The following SLC39A11 variants were observed in gnomAD, a reference collection of about 807,000 sequenced individuals.
SLC39A11 encodes zinc transporter ZIP11.
Under a neutral mutation model 36.1 loss-of-function variants are expected in SLC39A11, and 33 were observed. The ratio of observed to expected loss-of-function variants is 0.91; its 90% CI spans 0.69 to 1.22. SLC39A11 has a LOEUF of 1.22. Ranked by LOEUF, SLC39A11 falls within the 50% of genes most tolerant of loss-of-function variation. The probability of loss-of-function intolerance (pLI) is 0.00; values close to 1 mark genes in which losing one functional copy is unlikely to be tolerated. For synonymous variants in SLC39A11, 166 were observed against 170.3 expected, an observed-to-expected ratio of 0.97 and a Z score of 0.20; for missense variants, 432 against 430.3, an observed-to-expected ratio of 1.00 and a Z score of -0.03.
chr17:73,088,050 A>G (rs1230115053), intron 2 of SLC39A11, among the ~76,000 whole-genome samples: 1 of 152,180 alleles, frequency 6.6e-6, no homozygotes, highest in East Asian at 1.9e-4. Flanking sequence ...CACACCTGCA[A>G]TCCCAGCACT....
At chr17:72,694,279 A>G (rs2072181725) in intron 7 of SLC39A11, among the ~76,000 whole-genome samples, 2 of 152,330 alleles carry the variant, frequency 1.3e-5, no homozygotes, top group Non-Finnish European at 2.9e-5. Context: ...GAACATGTAA[A>G]TGAAAACCAA....
chr17:72,976,913 C>T (rs902907448), intron 4 of SLC39A11, among the ~76,000 whole-genome samples: 3 of 152,122 alleles, frequency 2.0e-5, no homozygotes, highest in African/African-American at 7.2e-5. Flanking sequence ...TATATTGTAA[C>T]CAATGTTACA....
At chr17:72,873,615 G>A (rs1026542056) in intron 5 of SLC39A11, among the ~76,000 whole-genome samples, 3 of 152,170 alleles carry the variant, frequency 2.0e-5, no homozygotes, top group African/African-American at 7.2e-5. Context: ...CTGGTGGGAG[G>A]CAAAGGAGAA....
intron 3 of SLC39A11, among the ~76,000 whole-genome samples, chr17:73,052,420 C>T (rs886245920): frequency 1.3e-5 from 2 of 151,732 alleles, no homozygotes; most frequent in Non-Finnish European, 2.9e-5. Context: ...TTTTCCACCA[C>T]GCAGAACAAA....
chr17:73,056,960 C>A (rs576596537), intron 3 of SLC39A11, among the ~76,000 whole-genome samples: 4 of 152,094 alleles, frequency 2.6e-5, no homozygotes, highest in Non-Finnish European at 5.9e-5. Context: ...CAATGGGATG[C>A]ATTTTTTTTC....
At chr17:72,659,671 C>G (rs2070322473) in intron 7 of SLC39A11, among the ~76,000 whole-genome samples, 1 of 150,000 alleles carries the variant, frequency 6.7e-6, no homozygotes, top group Non-Finnish European at 1.5e-5. Flanking sequence ...CAACCTCTGC[C>G]TCCCGGGTTC....
intron 7 of SLC39A11, among the ~76,000 whole-genome samples, chr17:72,699,106 G>A (rs1055580426): frequency 6.6e-6 from 1 of 152,188 alleles, no homozygotes; most frequent in Non-Finnish European, 1.5e-5. Context: ...TGGGATTACA[G>A]GGGTGAGCCA....
At chr17:73,032,476 G>A (rs2058769475) in intron 3 of SLC39A11, among the ~76,000 whole-genome samples, 1 of 151,994 alleles carries the variant, frequency 6.6e-6, no homozygotes, top group South Asian at 2.1e-4. Flanking sequence ...CAAAGTGCTG[G>A]GATTAAAGGT....
At chr17:72,771,960 C>T (rs947864108) in intron 6 of SLC39A11, among the ~76,000 whole-genome samples, 3 of 152,166 alleles carry the variant, frequency 2.0e-5, no homozygotes, top group Non-Finnish European at 4.4e-5. Flanking sequence ...CACCAACCCT[C>T]CTTTTCCTGC....
chr17:72,659,556 C>T (rs985491148), intron 7 of SLC39A11, among the ~76,000 whole-genome samples: 1 of 148,990 alleles, frequency 6.7e-6, no homozygotes, highest in African/African-American at 2.5e-5. Context: ...ATCTCTCTTA[C>T]ACGTGTCCTC....
intron 3 of SLC39A11, among the ~76,000 whole-genome samples, chr17:73,076,805 T>TC (rs2144639687): frequency 6.7e-6 from 1 of 149,764 alleles, no homozygotes; most frequent in East Asian, 1.9e-4. Context: ...TTTTTTTCTT[T>TC]TTTTTTTTTT....
At chr17:72,874,521 G>A (rs753386731) in intron 5 of SLC39A11, among the ~76,000 whole-genome samples, 16 of 152,184 alleles carry the variant, frequency 1.1e-4, no homozygotes, top group African/African-American at 2.9e-4. Context: ...GGAAAACCCC[G>A]CTGCTGGTAA....
intron 6 of SLC39A11, among the ~76,000 whole-genome samples, chr17:72,800,466 A>G (rs1368759134): frequency 6.6e-6 from 1 of 151,884 alleles, no homozygotes; most frequent in Non-Finnish European, 1.5e-5. Context: ...ACACACCACC[A>G]CGCCCAGCTA....
At chr17:73,008,162 T>G (rs2090295007) in intron 4 of SLC39A11, among the ~76,000 whole-genome samples, 1 of 121,292 alleles carries the variant, frequency 8.2e-6, no homozygotes, top group African/African-American at 2.7e-5. Context: ...TTGTTTTTTT[T>G]TTGTTTTTTT....
At chr17:72,864,252 G>C (rs2080189391) in intron 5 of SLC39A11, among the ~76,000 whole-genome samples, 1 of 151,818 alleles carries the variant, frequency 6.6e-6, no homozygotes, top group Non-Finnish European at 1.5e-5. Context: ...CAGATTTCCT[G>C]GCCTCATCCA....
chr17:72,799,952 G>C (rs1394461130), intron 6 of SLC39A11, among the ~76,000 whole-genome samples: 1 of 151,998 alleles, frequency 6.6e-6, no homozygotes, highest in South Asian at 2.1e-4. Flanking sequence ...TTGCCGGTCT[G>C]AGACTCAGGC....
At position 72,843,244 on chromosome 17, in the gene SLC39A11, C is replaced by T. The variant is rs568536973; in HGVS notation, c.601+6390G>A. ...ATTACAGGCCGTGAGCCACCGCGCC[C>T]GGCCTGGGGAGGGGTTCTTTCCTGT... On this transcript the variant is annotated intron_variant, in intron 6 of 9. Coordinates refer to ENST00000255559, the MANE Select transcript of SLC39A11 (RefSeq NM_139177.4). Among the ~76,000 whole-genome samples, 25 of 152,160 alleles carry T rather than the reference C, an allele frequency of 1.6e-4. No individual in the cohort carries two copies. The South Asian group carries it at 3.9e-3, about 24-fold the overall frequency.
chr17:72,775,573 G>A (rs948714356), intron 6 of SLC39A11, among the ~76,000 whole-genome samples: 2 of 152,132 alleles, frequency 1.3e-5, no homozygotes, highest in African/African-American at 2.4e-5. Flanking sequence ...CATGCTGCGA[G>A]ACAATCTTGG....
chr17:73,026,517 C>CAAAAAAAAAAAAAAAAA (rs548390962), intron 4 of SLC39A11, among the ~76,000 whole-genome samples: 1 of 75,574 alleles, frequency 1.3e-5, no homozygotes, highest in Non-Finnish European at 3.0e-5. Context: ...GAAACTACAT[C>CAAAAAAAAAAAAAAAAA]AAAAAAAAAA....
Sources: allele counts gnomAD v4.1 joint callset (sites outside exome capture counted in the v4.1 genomes callset), GRCh38; gene constraint gnomAD v4.1.1; transcripts MANE v1.5; gene names NCBI Gene and HGNC (gene_info 2026-07-23, HGNC 2026-07-21).